Variants in WDR20 observed in about 807,000 individuals in gnomAD.
WDR20 encodes the protein WD repeat-containing protein 20.
Under a neutral mutation model 38.7 loss-of-function variants are expected in WDR20, and 3 were observed. That is an observed-to-expected ratio of 0.08 (90% CI 0.04 to 0.20). WDR20 has a LOEUF of 0.20. WDR20 is among the 10% of genes least tolerant of loss of function. The pLI, the probability that WDR20 is intolerant of heterozygous loss-of-function variation, is 1.00. For missense variants in WDR20, 559 were observed against 727.7 expected, an observed-to-expected ratio of 0.77 and a Z score of 2.67; for synonymous variants, 298 against 285.6, an observed-to-expected ratio of 1.04 and a Z score of -0.44.
At chr14:102,162,689 C>T (rs541759405) in intron 1 of WDR20, among the ~76,000 whole-genome samples, 2 of 152,082 alleles carry the variant, frequency 1.3e-5, no homozygotes, top group Non-Finnish European at 2.9e-5. Context: ...TCTCAGCTCA[C>T]TGCAACCTCT....
chr14:102,187,342 A>C (rs1490906419), intron 1 of WDR20, among the ~76,000 whole-genome samples: 1 of 152,152 alleles, frequency 6.6e-6, no homozygotes, highest in Non-Finnish European at 1.5e-5. Context: ...AACATATTGC[A>C]GCTAATAAGT....
chr14:102,192,030 TATTCTC>T (rs1248538392), intron 1 of WDR20, among the ~76,000 whole-genome samples: 1 of 152,216 alleles, frequency 6.6e-6, no homozygotes, highest in Admixed American at 6.5e-5. Context: ...TCTAAACTCT[TATTCTC>T]AATGTCTGTA....
intron 1 of WDR20, among the ~76,000 whole-genome samples, chr14:102,184,105 C>T (rs890727314): frequency 6.6e-6 from 1 of 152,122 alleles, no homozygotes; most frequent in Non-Finnish European, 1.5e-5. Flanking sequence ...AAAAATAGGT[C>T]ATTTGAATAT....
downstream of WDR20, among the ~76,000 whole-genome samples, chr14:102,218,736 A>G (rs990301169): frequency 4.6e-5 from 7 of 152,070 alleles, no homozygotes; most frequent in East Asian, 1.3e-3. Flanking sequence ...ATTAGAGCCA[A>G]GGCTTGCCCC....
intron 1 of WDR20, among the ~76,000 whole-genome samples, chr14:102,161,168 T>TTTTTTTA (rs1269781690): frequency 1.0e-5 from 1 of 97,110 alleles, no homozygotes. Context: ...TTTTTTTTTT[T>TTTTTTTA]GAGGCAGAGT....
In WDR20 at chr14:102,220,554, A is replaced by G. The variant is rs1248168379; in HGVS notation, c.1693-2276A>G. ...ATCCTAACAGTGAAACCCCATCTCT[A>G]CTAAAACTACAAAAAGTTAGCTGGG... On this transcript the variant is annotated intron_variant, in intron 3 of 3. Coordinates refer to the WDR20 transcript ENST00000335263. This position sits in a 1 kb window ranked among gnomAD's most constrained non-coding sequence, Gnocchi z 4.2. Among the ~76,000 whole-genome samples, 1 of 151,996 alleles carries G rather than the reference A, an allele frequency of 6.6e-6. No homozygotes were observed. Among genetic ancestry groups the G allele is most frequent in the African/African-American group, 2.4e-5 (1 of 41,390 alleles).
At chr14:102,152,603 C>T (rs8010925) in intron 1 of WDR20, among the ~76,000 whole-genome samples, 1,557 of 152,026 alleles carry the variant, frequency 0.01, 30 homozygotes, top group African/African-American at 0.035. Flanking sequence ...TTACTACAGA[C>T]GGGGTTTCAC....
At chr14:102,142,503 G>A (rs920989732) in intron 1 of WDR20, among the ~76,000 whole-genome samples, 3 of 152,070 alleles carry the variant, frequency 2.0e-5, no homozygotes, top group Admixed American at 2.0e-4. Flanking sequence ...GCCTAGGCTG[G>A]AGTGCGGTGG....
intron 2 of WDR20, among the ~76,000 whole-genome samples, chr14:102,205,386 A>C (rs1345407542): frequency 1.3e-5 from 2 of 152,186 alleles, no homozygotes; most frequent in African/African-American, 2.4e-5. Flanking sequence ...GCACAAAGAC[A>C]CTCTGGAGAG....
chr14:102,163,276 G>A (rs929700849), intron 1 of WDR20, among the ~76,000 whole-genome samples: 8 of 152,192 alleles, frequency 5.3e-5, no homozygotes, highest in South Asian at 4.1e-4. Context: ...AGATACCAGC[G>A]CCATATTCTT....
chr14:102,209,082 G>T lies in WDR20; in HGVS notation c.912G>T (p.Lys304Asn). The T allele has an allele frequency of 6.2e-7, 1 of 1,614,170 alleles. No individual in the cohort carries two copies. The highest frequency in any genetic ancestry group is 8.5e-7 in the Non-Finnish European group (1 of 1,180,034). The change falls in exon 3 of 3, where the codon AAG becomes AAT. Residue 304 changes from lysine to asparagine, a missense_variant. Physicochemically the swap from Lys to Asn is moderately conservative, Grantham distance 94. Transcript: ENST00000342702. The surrounding 1 kb of genome is among the most constrained non-coding windows in gnomAD (Gnocchi z 6.0). ...CRVIARGHGH[K>N]SWVSVVAFDP... ...TAATAGCCAGAGGCCACGGGCACAAGTCCTGGGTCAGTGTTGTAGCGTTTG... is the reference window on the plus strand; with the variant it reads ...TAATAGCCAGAGGCCACGGGCACAATTCCTGGGTCAGTGTTGTAGCGTTTG...
At chr14:102,202,199 A>C (rs1245887088) in intron 2 of WDR20, among the ~76,000 whole-genome samples, 2 of 143,852 alleles carry the variant, frequency 1.4e-5, no homozygotes, top group Admixed American at 6.8e-5. Flanking sequence ...CTCCCTGTGC[A>C]CTCCATCCCT....
intron 1 of WDR20, among the ~76,000 whole-genome samples, chr14:102,151,765 G>C (rs545804249): frequency 6.7e-6 from 1 of 150,326 alleles, no homozygotes; most frequent in African/African-American, 2.5e-5. Flanking sequence ...AATGAAACAA[G>C]ATTTCACTTT....
intron 1 of WDR20, among the ~76,000 whole-genome samples, chr14:102,167,915 T>G (rs1044296663): frequency 6.6e-6 from 1 of 152,224 alleles, no homozygotes; most frequent in Non-Finnish European, 1.5e-5. Flanking sequence ...ACAAGGGACT[T>G]TGTCATTTAC....
upstream of WDR20, chr14:102,139,508 G>A: frequency 8.1e-7 from 1 of 1,236,202 alleles, no homozygotes. Context: ...TCAGGGCAGG[G>A]CGGGAGACCG....
rs150268748 is a variant in WDR20, at chr14:102,180,115, A to C, written c.250-14823A>C. On this transcript the variant is annotated intron_variant, in intron 1 of 2. Transcript: ENST00000342702. ...TTTCAGTCAGCTGAGACTGCACTCC[A>C]GCCTGGGCGACATAGCAAGACTGTC... Among the ~76,000 whole-genome samples, 9 of 152,340 alleles carry C rather than the reference A, an allele frequency of 5.9e-5. No individual in the cohort carries two copies. In the East Asian group the frequency reaches 1.7e-3, roughly 29 times the overall value.
At chr14:102,141,994 A>G (rs1268460961) in intron 1 of WDR20, among the ~76,000 whole-genome samples, 2 of 152,210 alleles carry the variant, frequency 1.3e-5, no homozygotes, top group Non-Finnish European at 2.9e-5. Flanking sequence ...CCTGTTTTAC[A>G]TCATAAAGAC....
intron 1 of WDR20, among the ~76,000 whole-genome samples, chr14:102,168,276 T>G (rs2060137777): frequency 6.6e-6 from 1 of 152,158 alleles, no homozygotes; most frequent in African/African-American, 2.4e-5. Context: ...AATTTTTTCT[T>G]AATTGGCAGC....
At chr14:102,197,502 G>A (rs1225776344) in intron 2 of WDR20, among the ~76,000 whole-genome samples, 4 of 152,232 alleles carry the variant, frequency 2.6e-5, no homozygotes, top group East Asian at 1.9e-4. Context: ...AGTCATTAGA[G>A]GAGGGTAAGG....
Sources: gnomAD v4.1 joint callset for allele counts (sites outside exome capture counted in the v4.1 genomes callset) on GRCh38, gnomAD v4.1.1 for gene constraint, Gnocchi (gnomAD v3.1) non-coding constraint, MANE v1.5 for transcripts, NCBI Gene and HGNC (gene_info 2026-07-23, HGNC 2026-07-21) for gene names.